HORMAD2: variants seen among roughly 807,000 people sequenced by gnomAD.
HORMAD2 encodes HORMA domain containing 2.
In HORMAD2, 45 loss-of-function variants were observed where a neutral mutation model predicts 38.8. The ratio of observed to expected loss-of-function variants is 1.16; its 90% CI spans 0.91 to 1.49. The LOEUF is 1.49. Among genes scored for constraint, HORMAD2 ranks in the 40% most tolerant of loss-of-function variants. HORMAD2 has a pLI of 0.00. For synonymous variants in HORMAD2, 126 were observed against 122.8 expected, an observed-to-expected ratio of 1.03 and a Z score of -0.17; for missense variants, 338 against 367.0, an observed-to-expected ratio of 0.92 and a Z score of 0.65.
At chr22:30,090,534 G>A (rs578113791) in intron 1 of HORMAD2, among the ~76,000 whole-genome samples, 2 of 152,164 alleles carry the variant, frequency 1.3e-5, no homozygotes, top group East Asian at 3.9e-4. Flanking sequence ...TGAGTCCCTG[G>A]TTTCAATTCT....
chr22:30,081,399 C>CA (rs1380226352), intron 1 of HORMAD2: 2 of 152,150 alleles, frequency 1.3e-5, no homozygotes, highest in Admixed American at 1.3e-4. Flanking sequence ...AACAAATACT[C>CA]AATTAATATA....
chr22:30,081,152 G>GTAGTAC (rs1453063923), intron 1 of HORMAD2: 1 of 152,230 alleles, frequency 6.6e-6, no homozygotes, highest in Non-Finnish European at 1.5e-5. Context: ...AGTACATCGT[G>GTAGTAC]TACTCAGCTG....
Position 30,129,217 on chromosome 22 carries a change from C to CAAAA in HORMAD2, c.819+7039_819+7042dup, listed in dbSNP as rs750796623. On this transcript the variant is annotated intron_variant, in intron 10 of 10. Coordinates refer to ENST00000336726, the MANE Select transcript of HORMAD2 (RefSeq NM_152510.4). ...TGGGTGGCAGAGTGAGACTCTATCTCAAAAAAAAAAAAAAAAAAAAAAAAA... is the reference window on the plus strand; with the variant it reads ...TGGGTGGCAGAGTGAGACTCTATCTCAAAAAAAAAAAAAAAAAAAAAAAAAAAAA... Among the ~76,000 whole-genome samples, 27 of 22,612 alleles carry CAAAA rather than the reference C, an allele frequency of 1.2e-3. 1 individual carries two copies. Among genetic ancestry groups the CAAAA allele is most frequent in the Non-Finnish European group, 1.6e-3 (19 of 11,560 alleles). The allele number at this position is 22,612 out of a possible 152,430, so 14.8% of individuals were successfully genotyped here. A position where few individuals can be genotyped will look rare whatever the true frequency, so the allele number is the denominator to read the frequency against.
chr22:30,122,340 C>T, intron 10 of HORMAD2, 126 bp downstream of exon 10: 1 of 778,226 alleles, frequency 1.3e-6, no homozygotes, highest in Non-Finnish European at 1.9e-6. Flanking sequence ...TAGTCTCTGA[C>T]ATCAAGGAGT....
intron 8 of HORMAD2, 70 bp downstream of exon 8, chr22:30,119,117 A>G: frequency 9.6e-7 from 1 of 1,038,332 alleles, no homozygotes; most frequent in Non-Finnish European, 1.4e-6. Flanking sequence ...TCTTGAGGCC[A>G]GAGAAAGGCC....
At chr22:30,107,761 TAA>T (rs904949396) in intron 5 of HORMAD2, among the ~76,000 whole-genome samples, 2 of 151,484 alleles carry the variant, frequency 1.3e-5, no homozygotes, top group African/African-American at 4.8e-5. Context: ...AATAAATAAA[TAA>T]ATAAATAAAT....
intron 10 of HORMAD2, among the ~76,000 whole-genome samples, chr22:30,159,107 G>A (rs976497085): frequency 4.6e-5 from 7 of 152,178 alleles, no homozygotes; most frequent in Non-Finnish European, 8.8e-5. Context: ...GAATTAGAAT[G>A]ATGCCAGTGA....
At chr22:30,202,782 A>T in the HORMAD2 span, among the ~76,000 whole-genome samples, 2 of 152,238 alleles carry the variant, frequency 1.3e-5, no homozygotes, top group Non-Finnish European at 2.9e-5. Flanking sequence ...AAGCAAAGCG[A>T]GAAGCTCTAA....
chr22:30,149,656 TC>T (rs1231254257), intron 10 of HORMAD2, among the ~76,000 whole-genome samples: 2 of 152,204 alleles, frequency 1.3e-5, no homozygotes, highest in East Asian at 3.9e-4. Context: ...TCTTTGCCCC[TC>T]CCCTGTGTTA....
At position 30,144,304 on chromosome 22, in the gene HORMAD2, G is replaced by A. The variant is rs565473288; in HGVS notation, c.819+22090G>A. Among the ~76,000 whole-genome samples the A allele has an allele frequency of 5.3e-5, 8 of 152,308 alleles. No individual in the cohort carries two copies. The East Asian group carries it at 1.5e-3, about 29-fold the overall frequency. On this transcript the variant is annotated intron_variant, in intron 10 of 10. Transcript: ENST00000336726. ...TTTGAAATTTGTTCTGACCACAGGA[G>A]GACTTCTCTCAGTTATCTATTTCCT... is the stretch of plus-strand genomic sequence containing the variant.
chr22:30,180,925 TCC>T (rs1926680136), downstream of HORMAD2, among the ~76,000 whole-genome samples: 1 of 8,910 alleles, frequency 1.1e-4, no homozygotes, highest in African/African-American at 2.5e-4. Context: ...CCCTTCCCTC[TCC>T]TCTCCTCTCC....
chr22:30,194,988 C>G, the HORMAD2 span, among the ~76,000 whole-genome samples: 1 of 151,870 alleles, frequency 6.6e-6, no homozygotes, highest in Non-Finnish European at 1.5e-5. Context: ...GTCAGGAGAT[C>G]GAGACCATCC....
the HORMAD2 span, among the ~76,000 whole-genome samples, chr22:30,186,076 G>C: frequency 6.6e-6 from 1 of 152,008 alleles, no homozygotes; most frequent in Non-Finnish European, 1.5e-5. Context: ...AAAGGTGATA[G>C]TTAACTAAAT....
chr22:30,101,691 T>C (rs1920946732), intron 3 of HORMAD2, among the ~76,000 whole-genome samples: 1 of 152,190 alleles, frequency 6.6e-6, no homozygotes, highest in Admixed American at 6.5e-5. Context: ...CCTTGTAAGA[T>C]GTTATTTTTC....
At chr22:30,201,179 A>G in the HORMAD2 span, among the ~76,000 whole-genome samples, 2 of 152,182 alleles carry the variant, frequency 1.3e-5, no homozygotes. Context: ...GGTTGCTGAC[A>G]ATCCTTGGTG....
chr22:30,092,919 T>C (rs2068716931), intron 1 of HORMAD2, among the ~76,000 whole-genome samples: 1 of 152,184 alleles, frequency 6.6e-6, no homozygotes, highest in African/African-American at 2.4e-5. Flanking sequence ...AGCCAGGTAA[T>C]GTGATGCCTC....
At chr22:30,144,685 G>A (rs1293431975) in intron 10 of HORMAD2, among the ~76,000 whole-genome samples, 6 of 151,322 alleles carry the variant, frequency 4.0e-5, no homozygotes, top group African/African-American at 9.7e-5. Flanking sequence ...ATAGAACCAC[G>A]ACCTTACAAG....
chr22:30,123,816 G>A (rs1375946476), intron 10 of HORMAD2, among the ~76,000 whole-genome samples: 1 of 150,622 alleles, frequency 6.6e-6, no homozygotes, highest in East Asian at 2.0e-4. Flanking sequence ...AACCATAGGT[G>A]TGCGCCACCA....
chr22:30,140,328 C>A (rs1486517501), intron 10 of HORMAD2, among the ~76,000 whole-genome samples: 2 of 152,096 alleles, frequency 1.3e-5, no homozygotes, highest in Non-Finnish European at 2.9e-5. Context: ...TACTTATCTT[C>A]TACTTTTTGG....
Sources: allele counts gnomAD v4.1 joint callset (sites outside exome capture counted in the v4.1 genomes callset), GRCh38; gene constraint gnomAD v4.1.1; transcripts MANE v1.5; gene names NCBI Gene and HGNC (gene_info 2026-07-23, HGNC 2026-07-21).